Variants in NCOA1 observed in about 807,000 individuals in gnomAD.
NCOA1 encodes the protein Hin-2 protein.
In NCOA1, 35 loss-of-function variants were observed where a neutral mutation model predicts 150.9. The observed-to-expected ratio is 0.23, with a 90% CI of 0.18 to 0.31. The LOEUF (loss-of-function observed/expected upper bound fraction) is 0.31. Among genes scored for constraint, NCOA1 ranks in the 10% least tolerant of loss-of-function variants. The probability of loss-of-function intolerance (pLI) is 1.00; values close to 1 mark genes in which losing one functional copy is unlikely to be tolerated. For missense variants in NCOA1, 1,491 were observed against 1,749.3 expected, an observed-to-expected ratio of 0.85 and a Z score of 2.63; for synonymous variants, 590 against 630.0, an observed-to-expected ratio of 0.94 and a Z score of 0.95.
chr2:24,538,103 T>C (rs1665241024), intron 1 of NCOA1, among the ~76,000 whole-genome samples: 2 of 152,228 alleles, frequency 1.3e-5, no homozygotes, highest in South Asian at 4.1e-4. Context: ...TTAGTGTATC[T>C]GATGAAATTA....
At chr2:24,727,214 A>G (rs1662723529) in intron 15 of NCOA1, among the ~76,000 whole-genome samples, 1 of 151,706 alleles carries the variant, frequency 6.6e-6, no homozygotes, top group Admixed American at 6.6e-5. Context: ...TATTGACTGC[A>G]TGACCACAAG....
chr2:24,690,896 T>C (rs935836848), intron 8 of NCOA1, among the ~76,000 whole-genome samples: 2 of 152,150 alleles, frequency 1.3e-5, no homozygotes, highest in Non-Finnish European at 2.9e-5. Context: ...CAAGGTATTG[T>C]AGCATATGAA....
chr2:24,498,750 G>A (rs922565341), intron 1 of NCOA1, among the ~76,000 whole-genome samples: 5 of 152,082 alleles, frequency 3.3e-5, no homozygotes, highest in African/African-American at 1.2e-4. Flanking sequence ...GAGGTGGTGG[G>A]GAGCAGTATG....
chr2:24,683,757 C>T (rs921164180), intron 8 of NCOA1, among the ~76,000 whole-genome samples: 2 of 152,174 alleles, frequency 1.3e-5, no homozygotes, highest in Non-Finnish European at 2.9e-5. Context: ...TCAGGCTCCT[C>T]TAAAGTTTTT....
chr2:24,740,816 C>T (rs1283679798), intron 18 of NCOA1, among the ~76,000 whole-genome samples: 4 of 152,186 alleles, frequency 2.6e-5, no homozygotes, highest in Non-Finnish European at 4.4e-5. Flanking sequence ...TTCATAGTTT[C>T]TTCTAGATTA....
intron 21 of NCOA1, among the ~76,000 whole-genome samples, chr2:24,761,456 C>T (rs1397287275): frequency 6.6e-6 from 1 of 152,052 alleles, no homozygotes; most frequent in Admixed American, 6.5e-5. Context: ...ATATTTGGAT[C>T]CTTTTTATAT....
In NCOA1 at chr2:24,712,621, C is replaced by T. The variant is rs6716294; in HGVS notation, c.2599+1510C>T. ...CTTGAAAGGGAGAAAAAGAAATAAA[C>T]AGAAAAAGTATGCAGTGGAAATATA... is the stretch of plus-strand genomic sequence containing the variant. On this transcript the variant is annotated intron_variant, in intron 14 of 22. Transcript: ENST00000348332. 7.4e-3 allele frequency among the ~76,000 whole-genome samples: 1,112 copies of T among 151,280 alleles called. 12 individuals carry two copies. Among genetic ancestry groups the T allele is most frequent in the African/African-American group, 0.025 (1,040 of 41,166 alleles).
rs533709881 is a variant in NCOA1 at position 24,492,911 on chromosome 2, G to A, written c.-396+1309G>A. 3.3e-5 allele frequency among the ~76,000 whole-genome samples: 5 copies of A among 150,010 alleles called. No individual in the cohort carries two copies. The South Asian group carries it at 8.4e-4, about 25-fold the overall frequency. ...TACAGTTGAGGGATGGATCTCAAGG[G>A]TTAAATTTGTTTGAGGTTTGTCTCC... is the stretch of plus-strand genomic sequence containing the variant. On this transcript the variant is annotated intron_variant, in intron 1 of 22. Coordinates refer to ENST00000348332, the MANE Select transcript of NCOA1 (RefSeq NM_003743.5).
intron 1 of NCOA1, among the ~76,000 whole-genome samples, chr2:24,521,197 T>C (rs1208619039): frequency 1.3e-5 from 2 of 152,194 alleles, no homozygotes; most frequent in African/African-American, 4.8e-5. Context: ...ATATATGTGT[T>C]GTGAAATGAT....
intron 17 of NCOA1, among the ~76,000 whole-genome samples, chr2:24,737,780 T>C (rs1014794810): frequency 6.6e-6 from 1 of 152,210 alleles, no homozygotes; most frequent in Non-Finnish European, 1.5e-5. Flanking sequence ...CTGTTGTGCG[T>C]TGGCTTCTGC....
intron 3 of NCOA1, among the ~76,000 whole-genome samples, chr2:24,621,552 C>T (rs938320943): frequency 2.2e-5 from 3 of 139,530 alleles, no homozygotes; most frequent in African/African-American, 7.7e-5. Context: ...CTGCAACCTC[C>T]ACCTCCTGGG....
chr2:24,630,855 A>G (rs1196009331), intron 3 of NCOA1, among the ~76,000 whole-genome samples: 5 of 152,236 alleles, frequency 3.3e-5, no homozygotes, highest in Admixed American at 2.6e-4. Flanking sequence ...GAAAAAGCAA[A>G]CAACTTTATT....
chr2:24,697,873 T>G (rs550800906), intron 11 of NCOA1, 75 bp downstream of exon 11: 2 of 1,394,804 alleles, frequency 1.4e-6, no homozygotes, highest in South Asian at 1.4e-5. Context: ...ATAGAACTTA[T>G]GGCTTGATAA....
At chr2:24,664,485 C>T (rs1671322390) in intron 5 of NCOA1, among the ~76,000 whole-genome samples, 1 of 151,990 alleles carries the variant, frequency 6.6e-6, no homozygotes, top group South Asian at 2.1e-4. Context: ...CTGAGACGGG[C>T]GGATCATGAG....
At chr2:24,589,630 GGTGTGTGT>G (rs148118845) in intron 3 of NCOA1, among the ~76,000 whole-genome samples, 98 of 147,550 alleles carry the variant, frequency 6.6e-4, no homozygotes, top group East Asian at 3.6e-3. Context: ...AGAGGTTGGT[GGTGTGTGT>G]GTGTGTGTGT....
Position 24,742,068 on chromosome 2 carries a change from A to G in NCOA1, c.3588A>G (p.Ala1196=). The change falls in exon 19 of 23, where the codon GCA becomes GCG. Residue 1196 remains alanine (A), a synonymous_variant. Transcript: ENST00000348332. Reference sequence around the variant, plus strand: ...CACAACTAGCAGCAAATCCTGAAGCATCCTTGGCCAACCGCAACAGCATGG... The same window carrying G: ...CACAACTAGCAGCAAATCCTGAAGCGTCCTTGGCCAACCGCAACAGCATGG... ...PFSQLAANPE[A]SLANRNSMVS... The G allele has an allele frequency of 6.2e-7, 1 of 1,614,240 alleles. No homozygotes were observed.
intron 3 of NCOA1, among the ~76,000 whole-genome samples, chr2:24,584,839 T>G (rs1667334959): frequency 6.6e-6 from 1 of 152,206 alleles, no homozygotes; most frequent in African/African-American, 2.4e-5. Context: ...AACCCTGTGC[T>G]TTGCAGTATT....
chr2:24,535,076 G>A (rs1249667831), intron 1 of NCOA1, among the ~76,000 whole-genome samples: 2 of 152,204 alleles, frequency 1.3e-5, no homozygotes, highest in South Asian at 2.1e-4. Flanking sequence ...ATTATTATGT[G>A]GGAGTCTAAG....
intron 3 of NCOA1, among the ~76,000 whole-genome samples, chr2:24,599,395 G>C (rs1355186261): frequency 6.6e-6 from 1 of 152,078 alleles, no homozygotes; most frequent in Non-Finnish European, 1.5e-5. Context: ...GAAGATATCA[G>C]ATATATCACA....
Sources: gnomAD v4.1 joint callset for allele counts (sites outside exome capture counted in the v4.1 genomes callset) on GRCh38, gnomAD v4.1.1 for gene constraint, MANE v1.5 for transcripts, NCBI Gene and HGNC (gene_info 2026-07-23, HGNC 2026-07-21) for gene names.